Variants in CALHM2 observed in about 807,000 individuals in gnomAD.
CALHM2 encodes the protein calcium homeostasis modulator protein 2.
A neutral mutation model predicts 20.4 loss-of-function variants in CALHM2; 18 were observed. The ratio of observed to expected loss-of-function variants is 0.88; its 90% CI spans 0.61 to 1.31. CALHM2 has a LOEUF of 1.31. Among genes scored for constraint, CALHM2 ranks in the 50% most tolerant of loss-of-function variants. CALHM2 has a pLI of 0.00. For missense variants in CALHM2, 411 were observed against 435.7 expected (o/e 0.94, Z 0.50); for synonymous variants, 193 against 192.1 (o/e 1.00, Z -0.04).
In CALHM2 at chr10:103,450,140, C is replaced by T. The variant is rs2032909839; in HGVS notation, c.-158-41G>A. The T allele has an allele frequency of 6.7e-6, 4 of 599,100 alleles. No homozygotes were observed. Among genetic ancestry groups the T allele is most frequent in the Non-Finnish European group, 1.2e-5 (4 of 337,836 alleles). The allele number at this position is 599,100 out of a possible 1,614,324, so 37.1% of individuals were successfully genotyped here. A position where few individuals can be genotyped will look rare whatever the true frequency, so the allele number is the denominator to read the frequency against. ...CCGATAAGTGTTTCCCTCTGAAAACCAGGAGTTGAGGAAGATGCTAGTGTG... is the reference window on the plus strand; with the variant it reads ...CCGATAAGTGTTTCCCTCTGAAAACTAGGAGTTGAGGAAGATGCTAGTGTG... On this transcript the variant is annotated intron_variant, in intron 2 of 3. Transcript: ENST00000260743.
intron 2 of CALHM2, 52 bp from the exon 3 acceptor site, chr10:103,450,151 G>A (rs2032910443): frequency 1.7e-6 from 1 of 594,170 alleles, no homozygotes; most frequent in African/African-American, 1.9e-5. Flanking sequence ...AGGAGTTGAG[G>A]AAGATGCTAG....
intron 2 of CALHM2, 154 bp from the exon 3 acceptor site, chr10:103,450,253 C>T (rs1027211700): frequency 2.5e-6 from 1 of 392,796 alleles, no homozygotes; most frequent in Non-Finnish European, 4.7e-6. Context: ...GTGCATGGCA[C>T]CCCTCATTTC....
chr10:103,449,184 A>C lies in CALHM2; in HGVS notation c.555+203T>G, dbSNP rs907156734. 6 of 592,842 alleles carry C rather than the reference A, an allele frequency of 1.0e-5. No individual in the cohort carries two copies. The Admixed American group carries it at 1.8e-4, about 17-fold the overall frequency. 36.7% of individuals were successfully genotyped at this position (592,842 alleles called of 1,614,324 possible). On this transcript the variant is annotated intron_variant, in intron 3 of 3. Transcript: ENST00000260743. ...AACTGAGATTTACAGTAAAAAAAAA[A>C]ATTGATAAAACTGTCTTATTTGTGT...
intron 2 of CALHM2, chr10:103,450,477 G>C (rs2032926987): frequency 6.2e-6 from 1 of 162,268 alleles, no homozygotes; most frequent in African/African-American, 2.4e-5. Context: ...ATGCATGTGG[G>C]GTGCTGACCG....
chr10:103,450,649 G>C (rs1356712299), intron 2 of CALHM2: 1 of 153,272 alleles, frequency 6.5e-6, no homozygotes, highest in East Asian at 1.9e-4. Flanking sequence ...GTGGGCTGGG[G>C]TGGGTACAGC....
chr10:103,449,838 C>G lies in CALHM2; in HGVS notation c.104G>C (p.Ser35Thr). Residue 35 changes from serine to threonine, a missense_variant, in exon 3 of 4, where the codon AGC becomes ACC. Transcript: ENST00000260743. ...NGLVALGTVGSQELFSVVAFH... is the reference protein window; with the variant it reads ...NGLVALGTVGTQELFSVVAFH... ...GGCCACCACAGAGAACAGCTCCTGG[C>G]TGCCCACCGTGCCCAGTGCCACCAG... The G allele has an allele frequency of 6.2e-7, 1 of 1,613,342 alleles. No homozygotes were observed. Among genetic ancestry groups the G allele is most frequent in the Non-Finnish European group, 8.5e-7 (1 of 1,180,016 alleles).
chr10:103,447,705 A>C, intron 3 of CALHM2, 137 bp from the exon 4 acceptor site: 2 of 709,646 alleles, frequency 2.8e-6, no homozygotes, highest in South Asian at 2.3e-5. Flanking sequence ...TCGTTTCCTT[A>C]CCCCCTTTAA....
chr10:103,447,219 C>T lies in CALHM2; in HGVS notation c.905G>A (p.Trp302Ter), dbSNP rs1377190830. The change falls in exon 4 of 4, where the codon TGG becomes TAG. Residue 302 changes from tryptophan to a stop codon, truncating the protein, a stop_gained. Coordinates refer to ENST00000260743, the MANE Select transcript of CALHM2 (RefSeq NM_015916.5). LOFTEE classifies it high-confidence loss of function. ...GCCGTTGCCTGCCAGACCCTGGGCC[C>T]ACTTGTGCAGGCGGCTGTAGAGTGG... is the stretch of plus-strand genomic sequence containing the variant. ...GLPLYSRLHKWAQGLAGNGAA... is the reference protein window; with the variant it reads ...GLPLYSRLHK 1 of 1,614,082 alleles carries T rather than the reference C, an allele frequency of 6.2e-7. No individual in the cohort carries two copies. Among genetic ancestry groups the T allele is most frequent in the East Asian group, 2.2e-5 (1 of 44,902 alleles).
rs886933530 is a variant in CALHM2, at chr10:103,447,464, C to T, written c.660G>A (p.Trp220Ter). 1.2e-5 allele frequency: 19 copies of T among 1,613,952 alleles called. No individual in the cohort carries two copies. Among genetic ancestry groups the T allele is most frequent in the Admixed American group, 3.3e-5 (2 of 60,006 alleles). The change falls in exon 4 of 4, where the codon TGG (tryptophan) becomes TGA (stop). Residue 220 changes from tryptophan to a stop codon, truncating the protein, a stop_gained. Coordinates refer to ENST00000260743, the MANE Select transcript of CALHM2 (RefSeq NM_015916.5). LOFTEE classifies it high-confidence loss of function. ...SPLSYRQEAYWAQYRANEDQL... is the reference protein window; with the variant it reads ...SPLSYRQEAY Reference sequence around the variant, plus strand: ...GGTCCTCATTGGCGCGGTACTGCGCCCAGTAGGCCTCCTGGCGGTAGCTGA... The same window carrying T: ...GGTCCTCATTGGCGCGGTACTGCGCTCAGTAGGCCTCCTGGCGGTAGCTGA...
rs765837784 is a variant in CALHM2, at chr10:103,449,594, G to A, written c.348C>T (p.Thr116=). The A allele has an allele frequency of 1.2e-6, 2 of 1,613,866 alleles. No individual in the cohort carries two copies. Among genetic ancestry groups the A allele is most frequent in the Admixed American group, 3.3e-5 (2 of 60,020 alleles). ...CACGCAGCAGGGAGATGACAGACCA[G>A]GTGACAGGGGCCACAGCCGCACGTC... ...ILGRAAVAPV[T]WSVISLLRGE... is the part of the protein sequence containing the mutation. Residue 116 remains threonine (T), a synonymous_variant, in exon 3 of 4, where the codon ACC becomes ACT. Coordinates refer to ENST00000260743, the MANE Select transcript of CALHM2 (RefSeq NM_015916.5).
At chr10:103,449,174 TA>T (rs149181024) in intron 3 of CALHM2, 14,655 of 407,948 alleles carry the variant, frequency 0.036, 10 homozygotes, top group Middle Eastern at 0.053. Context: ...AGATTTACAG[TA>T]AAAAAAAAAA....
chr10:103,447,286 C>T lies in CALHM2; in HGVS notation c.838G>A (p.Ala280Thr). 3 of 1,614,254 alleles carry T rather than the reference C, an allele frequency of 1.9e-6. No homozygotes were observed. The highest frequency in any genetic ancestry group is 2.5e-6 in the Non-Finnish European group (3 of 1,180,044). ...EGTQPRPQWNAITGVYLYREN... is the reference protein window; with the variant it reads ...EGTQPRPQWNTITGVYLYREN... ...CGGTACAAGTAGACGCCGGTGATGG[C>T]ATTCCACTGTGGCCGTGGCTGCGTG... Residue 280 changes from alanine (A) to threonine (T), a missense_variant, in exon 4 of 4, where the codon GCC becomes ACC. Ala to Thr is a moderately conservative substitution (Grantham distance 58, BLOSUM62 0). Transcript: ENST00000260743.
At position 103,449,389 on chromosome 10, in the gene CALHM2, G is replaced by T; in HGVS notation, c.553C>A (p.Gln185Lys). Residue 185 changes from glutamine (Q) to lysine (K), a missense_variant and splice_region_variant, in exon 3 of 4, where the codon CAG becomes AAG. Coordinates refer to ENST00000260743, the MANE Select transcript of CALHM2 (RefSeq NM_015916.5). ...CTTCCCTTTGCACAGCTCCTTACCT[G>T]GGACTCATACCTGAGCCTGCGGCTG... ...EVSRRLRYESQLFGWLLIGVV... is the reference protein window; with the variant it reads ...EVSRRLRYESKLFGWLLIGVV... The T allele has an allele frequency of 6.2e-7, 1 of 1,612,166 alleles. No homozygotes were observed.
chr10:103,447,476 C>T lies in CALHM2; in HGVS notation c.648G>A (p.Gln216=). ...KHYCSPLSYR[Q]EAYWAQYRAN... is the part of the protein sequence containing the mutation. ...CGCGGTACTGCGCCCAGTAGGCCTC[C>T]TGGCGGTAGCTGAGTGGTGAGCAGT... The change falls in exon 4 of 4, where the codon CAG becomes CAA. Residue 216 remains glutamine (Q), a synonymous_variant. Coordinates refer to ENST00000260743, the MANE Select transcript of CALHM2 (RefSeq NM_015916.5). The T allele has an allele frequency of 6.2e-7, 1 of 1,613,962 alleles. No homozygotes were observed.
chr10:103,449,842 C>T lies in CALHM2; in HGVS notation c.100G>A (p.Gly34Ser). 1 of 1,613,352 alleles carries T rather than the reference C, an allele frequency of 6.2e-7. No individual in the cohort carries two copies. Among genetic ancestry groups the T allele is most frequent in the Non-Finnish European group, 8.5e-7 (1 of 1,180,014 alleles). ...ACCACAGAGAACAGCTCCTGGCTGC[C>T]CACCGTGCCCAGTGCCACCAGGCCG... Reference protein sequence around the residue: ...FNGLVALGTVGSQELFSVVAF... With the variant: ...FNGLVALGTVSSQELFSVVAF... The change falls in exon 3 of 4, where the codon GGC becomes AGC. Residue 34 changes from glycine to serine, a missense_variant. Coordinates refer to ENST00000260743, the MANE Select transcript of CALHM2 (RefSeq NM_015916.5).
Position 103,446,892 on chromosome 10 carries a change from T to C in CALHM2, c.*260A>G, listed in dbSNP as rs532772319. The C allele has an allele frequency of 2.3e-4, 95 of 414,646 alleles. No individual in the cohort carries two copies. The highest frequency in any genetic ancestry group is 3.2e-4 in the Non-Finnish European group (75 of 235,750). The allele number at this position is 414,646 out of a possible 1,614,324, so 25.7% of individuals were successfully genotyped here. A position where few individuals can be genotyped will look rare whatever the true frequency, so the allele number is the denominator to read the frequency against. On this transcript the variant is annotated 3_prime_UTR_variant, in exon 4 of 4. Coordinates refer to ENST00000260743, the MANE Select transcript of CALHM2 (RefSeq NM_015916.5). ...GGTGCACTGCTGCGCTGGGTGTCCC[T>C]ATGCAGCTAGATACATGTTAACTGC...
chr10:103,449,499 A>C lies in CALHM2; in HGVS notation c.443T>G (p.Phe148Cys), dbSNP rs2032853178. Residue 148 changes from phenylalanine (F) to cysteine (C), a missense_variant, in exon 3 of 4, where the codon TTC becomes TGC. By Grantham distance (205) the Phe-to-Cys change is radical. Coordinates refer to ENST00000260743, the MANE Select transcript of CALHM2 (RefSeq NM_015916.5). ...PSSLTAREEHFPSAHATEILA... is the reference protein window; with the variant it reads ...PSSLTAREEHCPSAHATEILA... The stretch of plus-strand genomic sequence containing the variant: ...GATTTCAGTGGCGTGGGCTGATGGG[A>C]AGTGCTCTTCCCTGGCCGTGAGTGA... 3.1e-6 allele frequency: 5 copies of C among 1,613,374 alleles called. No individual in the cohort carries two copies. Among genetic ancestry groups the C allele is most frequent in the Non-Finnish European group, 4.2e-6 (5 of 1,180,018 alleles).
chr10:103,449,353 G>C (rs2032838427), intron 3 of CALHM2, 34 bp downstream of exon 3: 4 of 1,592,064 alleles, frequency 2.5e-6, no homozygotes, highest in Non-Finnish European at 2.6e-6. Context: ...GCCACCACTA[G>C]GGAAGAGGAG....
Position 103,446,850 on chromosome 10 carries a change from G to A in CALHM2, c.*302C>T, listed in dbSNP as rs1406684469. 1.3e-5 allele frequency: 4 copies of A among 318,760 alleles called. No individual in the cohort carries two copies. Among genetic ancestry groups the A allele is most frequent in the Non-Finnish European group, 2.3e-5 (4 of 176,394 alleles). 19.7% of individuals were successfully genotyped at this position (318,760 alleles called of 1,614,324 possible). ...ATAAAATAAGGCCAGAGGCTGCACT[G>A]GAGGCCACTTCCCAGTGGTGCACTG... On this transcript the variant is annotated 3_prime_UTR_variant, in exon 4 of 4. Coordinates refer to ENST00000260743, the MANE Select transcript of CALHM2 (RefSeq NM_015916.5).
Sources: gnomAD v4.1 joint callset for allele counts on GRCh38, gnomAD v4.1.1 for gene constraint, MANE v1.5 for transcripts, NCBI Gene and HGNC (gene_info 2026-07-23, HGNC 2026-07-21) for gene names.